The following PKD1L3 variants were observed in gnomAD, a reference collection of about 807,000 sequenced individuals.
PKD1L3 encodes polycystin 1 like 3, transient receptor potential channel interacting.
A neutral mutation model predicts 184.1 loss-of-function variants in PKD1L3; 239 were observed. The observed-to-expected ratio is 1.30, with a 90% CI of 1.17 to 1.45. The LOEUF (loss-of-function observed/expected upper bound fraction) is 1.45, where lower values mean the gene tolerates loss of function less well. Among genes scored for constraint, PKD1L3 ranks in the 40% most tolerant of loss-of-function variants. The pLI, the probability that PKD1L3 is intolerant of heterozygous loss-of-function variation, is 0.00. For synonymous variants in PKD1L3, 996 were observed against 778.8 expected, an observed-to-expected ratio of 1.28 and a Z score of -4.64; for missense variants, 2,660 against 2,067.2, an observed-to-expected ratio of 1.29 and a Z score of -5.56.
In PKD1L3 at chr16:71,933,561, G is replaced by A. The variant is rs769204562; in HGVS notation, c.4825-40C>T. The A allele has an allele frequency of 6.6e-5, 93 of 1,406,732 alleles. No homozygotes were observed. The East Asian group carries it at 1.4e-3, about 21-fold the overall frequency. The allele number at this position is 1,406,732 out of a possible 1,614,324, so 87.1% of individuals were successfully genotyped here. A position where few individuals can be genotyped will look rare whatever the true frequency, so the allele number is the denominator to read the frequency against. Reference sequence around the variant, plus strand: ...AAAGGCCAGTTAGTGCAAGCCGAGCGCACATCTTTCTATCCTGAGGTGCTT... The same window carrying A: ...AAAGGCCAGTTAGTGCAAGCCGAGCACACATCTTTCTATCCTGAGGTGCTT... On this transcript the variant is annotated intron_variant, in intron 27 of 29. Coordinates refer to ENST00000620267, the MANE Select transcript of PKD1L3 (RefSeq NM_181536.2).
chr16:71,974,249 T>C (rs1597347484), intron 11 of PKD1L3, among the ~76,000 whole-genome samples: 1 of 152,094 alleles, frequency 6.6e-6, no homozygotes, highest in Non-Finnish European at 1.5e-5. Flanking sequence ...AGCTGGCTGG[T>C]AGGGGCTAAG....
rs1597310741 is a variant in PKD1L3, at chr16:71,952,963, A to G, written c.2940T>C (p.Phe980=). 1 of 1,550,534 alleles carries G rather than the reference A, an allele frequency of 6.4e-7. No homozygotes were observed. The highest frequency in any genetic ancestry group is 8.7e-7 in the Non-Finnish European group (1 of 1,146,578). The change falls in exon 18 of 30, where the codon TTT becomes TTC. Residue 980 remains phenylalanine, a synonymous_variant. Transcript: ENST00000620267. ...LIEPQETLPL[F]PPIQASCLSD... ...AGAGGCAGGAGGCCTGGATGGGAGG[A>G]AAGAGGGGCAGAGTCTCCTGTGGCT...
chr16:71,973,232 T>C (rs1567530923), intron 12 of PKD1L3, 92 bp downstream of exon 12: 3 of 1,391,006 alleles, frequency 2.2e-6, no homozygotes, highest in East Asian at 2.5e-5. Flanking sequence ...ATTATTTTTC[T>C]TTCTGGGCTG....
At chr16:71,969,233 G>A (rs1334120100) in intron 13 of PKD1L3, among the ~76,000 whole-genome samples, 2 of 152,060 alleles carry the variant, frequency 1.3e-5, no homozygotes, top group South Asian at 4.1e-4. Context: ...ACCCAGCCAA[G>A]TTACATGTAA....
At chr16:71,966,379 G>GCA (rs2039501885) in intron 15 of PKD1L3, among the ~76,000 whole-genome samples, 1 of 151,308 alleles carries the variant, frequency 6.6e-6, no homozygotes, top group African/African-American at 2.4e-5. Context: ...AACTCCTTAG[G>GCA]CACATCTCAT....
chr16:71,939,993 T>C (rs2038304882), intron 24 of PKD1L3, among the ~76,000 whole-genome samples: 1 of 152,160 alleles, frequency 6.6e-6, no homozygotes. Context: ...AAGGCAGCTG[T>C]ACAGGAAACC....
At chr16:71,939,054 T>A (rs187671185) in intron 24 of PKD1L3, among the ~76,000 whole-genome samples, 30 of 152,340 alleles carry the variant, frequency 2.0e-4, no homozygotes, top group African/African-American at 7.2e-4. Context: ...GACACCCTCT[T>A]TGGGGCTCTG....
At chr16:71,930,313 C>T (rs919124643) in intron 28 of PKD1L3, 130 bp from the exon 29 acceptor site, 20 of 907,264 alleles carry the variant, frequency 2.2e-5, no homozygotes, top group Non-Finnish European at 3.1e-5. Flanking sequence ...GGGAGAGAGT[C>T]AAAAGATAAT....
At chr16:71,969,571 C>G (rs1459065899) in intron 13 of PKD1L3, among the ~76,000 whole-genome samples, 2 of 151,466 alleles carry the variant, frequency 1.3e-5, no homozygotes, top group Non-Finnish European at 2.9e-5. Flanking sequence ...CCTGGCCTCC[C>G]CAAGTGTTGG....
rs74443924 is a variant in PKD1L3 at position 71,977,730 on chromosome 16, T to C, written c.1528-263A>G. Among the ~76,000 whole-genome samples, 130 of 151,290 alleles carry C rather than the reference T, an allele frequency of 8.6e-4. 2 individuals are homozygous for C. In the East Asian group the frequency reaches 0.022, roughly 26 times the overall value. On this transcript the variant is annotated intron_variant, in intron 10 of 29. Coordinates refer to ENST00000620267, the MANE Select transcript of PKD1L3 (RefSeq NM_181536.2). The stretch of plus-strand genomic sequence containing the variant: ...CTCATTGGATGTTAGTAGCTAATAC[T>C]GCTGGGGTTAAGGATAAGTACATAG...
At chr16:71,933,701 G>A (rs563371971) in intron 27 of PKD1L3, among the ~76,000 whole-genome samples, 180 bp from the exon 28 acceptor site, 2 of 152,106 alleles carry the variant, frequency 1.3e-5, no homozygotes, top group African/African-American at 4.8e-5. Flanking sequence ...AAGTTTATTT[G>A]ACCTTTATAT....
intron 21 of PKD1L3, among the ~76,000 whole-genome samples, chr16:71,949,560 C>T (rs1222394880): frequency 2.0e-5 from 3 of 151,940 alleles, no homozygotes; most frequent in Non-Finnish European, 4.4e-5. Flanking sequence ...ATCATGTTGC[C>T]CAGGCTGGTC....
intron 7 of PKD1L3, among the ~76,000 whole-genome samples, chr16:71,980,907 G>C (rs1217132412): frequency 6.6e-6 from 1 of 152,140 alleles, no homozygotes; most frequent in Non-Finnish European, 1.5e-5. Context: ...TCTAGCTCTA[G>C]GCAACAACGA....
rs181583447 is a variant in PKD1L3 at position 71,964,689 on chromosome 16, A to T, written c.2466-1338T>A. Among the ~76,000 whole-genome samples the T allele has an allele frequency of 2.0e-3, 294 of 150,710 alleles. 1 individual carries two copies. The highest frequency in any genetic ancestry group is 6.3e-3 in the African/African-American group (258 of 41,000). On this transcript the variant is annotated intron_variant, in intron 15 of 29. Transcript: ENST00000620267. The stretch of plus-strand genomic sequence containing the variant: ...TATACACCAGCACCATCAAAATATC[A>T]CCCCCAAAAGCTCCCTATCCCTCCT...
intron 26 of PKD1L3, 133 bp from the exon 27 acceptor site, chr16:71,934,258 T>C: frequency 1.3e-6 from 1 of 783,126 alleles, no homozygotes; most frequent in Non-Finnish European, 2.1e-6. Flanking sequence ...TGAGAACTGC[T>C]TTCTATTGTG....
chr16:71,963,022 TG>T (rs2039341944), intron 16 of PKD1L3, among the ~76,000 whole-genome samples, 182 bp downstream of exon 16: 2 of 152,356 alleles, frequency 1.3e-5, no homozygotes, highest in South Asian at 4.1e-4. Context: ...AATCTCTTTT[TG>T]TCTTCCTTCT....
chr16:71,943,545 A>AAC (rs1231769144), intron 23 of PKD1L3, among the ~76,000 whole-genome samples: 1 of 151,624 alleles, frequency 6.6e-6, no homozygotes, highest in Non-Finnish European at 1.5e-5. Flanking sequence ...CTCAAAAAAA[A>AAC]AAAAAAAAAA....
chr16:71,992,524 C>G (rs2040629341), intron 3 of PKD1L3, among the ~76,000 whole-genome samples: 2 of 152,156 alleles, frequency 1.3e-5, no homozygotes, highest in Admixed American at 6.5e-5. Context: ...TTGGATTTAA[C>G]AGTTTTCCAA....
At chr16:71,941,368 T>C (rs1041350093) in intron 24 of PKD1L3, among the ~76,000 whole-genome samples, 2 of 151,300 alleles carry the variant, frequency 1.3e-5, no homozygotes, top group African/African-American at 4.9e-5. Flanking sequence ...GTTTAGAAGA[T>C]AAAAATTAAA....
Sources: allele counts gnomAD v4.1 joint callset (sites outside exome capture counted in the v4.1 genomes callset), GRCh38; gene constraint gnomAD v4.1.1; transcripts MANE v1.5; gene names NCBI Gene and HGNC (gene_info 2026-07-23, HGNC 2026-07-21).